PRKG1: variants seen among roughly 807,000 people sequenced by gnomAD.
PRKG1 encodes the protein cGMP-dependent protein kinase 1.
A neutral mutation model predicts 88.1 loss-of-function variants in PRKG1; 35 were observed. The ratio of observed to expected loss-of-function variants is 0.40; its 90% CI spans 0.30 to 0.53. PRKG1 has a LOEUF of 0.53. PRKG1 is among the 20% of genes least tolerant of loss of function. PRKG1 has a pLI of 0.59. For synonymous variants in PRKG1, 303 were observed against 292.5 expected, an observed-to-expected ratio of 1.04 and a Z score of -0.37; for missense variants, 540 against 839.8, an observed-to-expected ratio of 0.64 and a Z score of 4.41.
intron 7 of PRKG1, among the ~76,000 whole-genome samples, chr10:52,087,140 A>T (rs1420264383): frequency 6.6e-6 from 1 of 152,158 alleles, no homozygotes; most frequent in Non-Finnish European, 1.5e-5. Context: ...AATAAAAAAC[A>T]ACTGCATTTT....
Position 51,487,990 on chromosome 10 carries a change from T to C in PRKG1, c.592+20154T>C, listed in dbSNP as rs375870880. ...AAGAAGAAATTCTACCACCATTTATTGAGTGCCTGTTTTCTACTGTATATC... is the reference window on the plus strand; with the variant it reads ...AAGAAGAAATTCTACCACCATTTATCGAGTGCCTGTTTTCTACTGTATATC... On this transcript the variant is annotated intron_variant, in intron 3 of 17. Coordinates refer to ENST00000373980, the MANE Select transcript of PRKG1 (RefSeq NM_006258.4). 1.1e-4 allele frequency among the ~76,000 whole-genome samples: 17 copies of C among 152,324 alleles called. No individual in the cohort carries two copies. In the East Asian group the frequency reaches 2.1e-3, roughly 19 times the overall value.
At chr10:51,000,209 T>C (rs1842874795) in intron 1 of PRKG1, among the ~76,000 whole-genome samples, 1 of 152,206 alleles carries the variant, frequency 6.6e-6, no homozygotes. Flanking sequence ...AATTCATGAA[T>C]AATTTGTTTC....
chr10:51,013,164 T>G (rs1420299410), intron 1 of PRKG1, among the ~76,000 whole-genome samples: 2 of 33,858 alleles, frequency 5.9e-5, no homozygotes, highest in African/African-American at 5.1e-4. Flanking sequence ...TTATATTACT[T>G]TTTACACTTA....
chr10:51,198,690 C>T (rs1236414954), intron 2 of PRKG1, among the ~76,000 whole-genome samples: 1 of 152,166 alleles, frequency 6.6e-6, no homozygotes, highest in Non-Finnish European at 1.5e-5. Context: ...TTGGACCTTT[C>T]ATTTTTCTTA....
chr10:51,641,958 A>C lies in PRKG1; in HGVS notation c.593-162627A>C, dbSNP rs914351421. On this transcript the variant is annotated intron_variant, in intron 3 of 17. Coordinates refer to ENST00000373980, the MANE Select transcript of PRKG1 (RefSeq NM_006258.4). The stretch of plus-strand genomic sequence containing the variant: ...GAAGAAAAGGCTTACTTTTTAAACT[A>C]TGCAAAGGTGAAAGGGGGAATATTT... Among the ~76,000 whole-genome samples the C allele has an allele frequency of 3.3e-5, 5 of 152,176 alleles. 1 individual carries two copies. Among genetic ancestry groups the C allele is most frequent in the Non-Finnish European group, 7.3e-5 (5 of 68,032 alleles).
chr10:52,222,467 A>G (rs1211720167), intron 9 of PRKG1, among the ~76,000 whole-genome samples: 4 of 152,174 alleles, frequency 2.6e-5, no homozygotes, highest in Admixed American at 6.5e-5. Flanking sequence ...ATGTTTCTCA[A>G]TGCAATTCTT....
intron 3 of PRKG1, among the ~76,000 whole-genome samples, chr10:51,473,608 C>T (rs1840113346): frequency 6.6e-6 from 1 of 151,888 alleles, no homozygotes; most frequent in Non-Finnish European, 1.5e-5. Context: ...ATAAATTATT[C>T]TCCCTCTCCT....
chr10:51,273,971 A>G (rs1840049737), intron 2 of PRKG1, among the ~76,000 whole-genome samples: 1 of 152,240 alleles, frequency 6.6e-6, no homozygotes, highest in Admixed American at 6.5e-5. Flanking sequence ...AATGTGTACA[A>G]ATCTCCAAGC....
At chr10:51,323,521 A>T (rs770903244) in intron 2 of PRKG1, among the ~76,000 whole-genome samples, 7 of 152,218 alleles carry the variant, frequency 4.6e-5, no homozygotes, top group Non-Finnish European at 1.0e-4. Flanking sequence ...ACTGCAATAG[A>T]TTAATGCAGT....
intron 2 of PRKG1, among the ~76,000 whole-genome samples, chr10:51,462,166 G>A (rs1839765086): frequency 6.6e-6 from 1 of 152,192 alleles, no homozygotes; most frequent in South Asian, 2.1e-4. Flanking sequence ...CAGAAGGAAG[G>A]AGATAAGAGT....
At chr10:52,135,341 C>T (rs544971458) in intron 8 of PRKG1, among the ~76,000 whole-genome samples, 1 of 152,170 alleles carries the variant, frequency 6.6e-6, no homozygotes, top group Admixed American at 6.6e-5. Context: ...GTAACAAGTT[C>T]ACAAGCATGC....
intron 9 of PRKG1, among the ~76,000 whole-genome samples, chr10:52,186,038 A>G (rs924530679): frequency 1.3e-5 from 2 of 152,180 alleles, no homozygotes; most frequent in Non-Finnish European, 2.9e-5. Context: ...AAATACCCTT[A>G]TAGCAATGCC....
intron 3 of PRKG1, among the ~76,000 whole-genome samples, chr10:51,588,519 C>T (rs897700598): frequency 2.0e-5 from 3 of 152,096 alleles, no homozygotes; most frequent in Non-Finnish European, 2.9e-5. Context: ...TCACTCAGGA[C>T]GTTTATAGCC....
intron 9 of PRKG1, among the ~76,000 whole-genome samples, chr10:52,195,301 G>A (rs898259676): frequency 4.6e-5 from 7 of 151,854 alleles, no homozygotes; most frequent in African/African-American, 1.7e-4. Context: ...CAAAATGAAG[G>A]TGTTGCTTTT....
chr10:52,094,359 CT>C (rs1340853263), intron 7 of PRKG1, among the ~76,000 whole-genome samples: 4 of 152,018 alleles, frequency 2.6e-5, no homozygotes, highest in South Asian at 4.1e-4. Flanking sequence ...AAGCTAATTT[CT>C]TTTTTTGATA....
intron 5 of PRKG1, among the ~76,000 whole-genome samples, chr10:52,032,295 A>G (rs1845493721): frequency 6.6e-6 from 1 of 152,246 alleles, no homozygotes; most frequent in South Asian, 2.1e-4. Context: ...AACTGTGAGC[A>G]TAGGCTTTCT....
chr10:51,237,371 C>T (rs914063588), intron 2 of PRKG1, among the ~76,000 whole-genome samples: 2 of 152,162 alleles, frequency 1.3e-5, no homozygotes, highest in African/African-American at 4.8e-5. Flanking sequence ...GCTCCGGGAA[C>T]ACACAGAGAT....
intron 6 of PRKG1, among the ~76,000 whole-genome samples, chr10:52,058,005 A>C (rs1316952540): frequency 1.3e-5 from 2 of 151,970 alleles, no homozygotes; most frequent in Non-Finnish European, 2.9e-5. Flanking sequence ...GGAAATAAAG[A>C]AACAGTAATT....
At chr10:51,282,980 T>C (rs1240199787) in intron 2 of PRKG1, among the ~76,000 whole-genome samples, 3 of 152,156 alleles carry the variant, frequency 2.0e-5, no homozygotes, top group Non-Finnish European at 4.4e-5. Context: ...CTTTATTTGC[T>C]TTATGGCTGA....
Sources: gnomAD v4.1 joint callset for allele counts (sites outside exome capture counted in the v4.1 genomes callset) on GRCh38, gnomAD v4.1.1 for gene constraint, MANE v1.5 for transcripts, NCBI Gene and HGNC (gene_info 2026-07-23, HGNC 2026-07-21) for gene names.